The following BCHE variants were observed in gnomAD, a reference collection of about 807,000 sequenced individuals.
BCHE encodes butyrylcholinesterase.
BCHE carries 48 observed loss-of-function variants against 51.3 expected under a neutral mutation model. The ratio of observed to expected loss-of-function variants is 0.94; its 90% confidence interval spans 0.74 to 1.19. The LOEUF is 1.19. Ranked by LOEUF, BCHE falls within the 50% of genes most tolerant of loss-of-function variation. The probability of loss-of-function intolerance (pLI) is 0.00; values close to 1 mark genes in which losing one functional copy is unlikely to be tolerated. For synonymous variants in BCHE, 251 were observed against 238.0 expected (o/e 1.05, Z -0.50); for missense variants, 847 against 708.2 (o/e 1.20, Z -2.23).
chr3:165,804,159 G>C (rs1284087961), intron 2 of BCHE, among the ~76,000 whole-genome samples: 1 of 152,028 alleles, frequency 6.6e-6, no homozygotes, highest in African/African-American at 2.4e-5. Flanking sequence ...TGATGATTCA[G>C]AAATAATTAA....
intron 2 of BCHE, among the ~76,000 whole-genome samples, chr3:165,792,313 A>G (rs1713200941): frequency 6.6e-6 from 1 of 152,314 alleles, no homozygotes; most frequent in Non-Finnish European, 1.5e-5. Flanking sequence ...AAATCTAAGT[A>G]ACGGAAAATT....
intron 2 of BCHE, among the ~76,000 whole-genome samples, chr3:165,820,140 A>G (rs1210146674): frequency 1.3e-5 from 2 of 152,126 alleles, no homozygotes; most frequent in African/African-American, 4.8e-5. Context: ...GCGAGAGAGT[A>G]TTCTGAAATA....
At chr3:165,797,596 A>G (rs896497745) in intron 2 of BCHE, among the ~76,000 whole-genome samples, 6 of 151,902 alleles carry the variant, frequency 3.9e-5, no homozygotes, top group Admixed American at 3.9e-4. Flanking sequence ...TGGCACTAGA[A>G]CACTTATTTT....
At position 165,786,320 on chromosome 3, in the gene BCHE, T is replaced by C; in HGVS notation, c.1518-9A>G. 6.2e-7 allele frequency: 1 copy of C among 1,603,808 alleles called. No individual in the cohort carries two copies. The highest frequency in any genetic ancestry group is 8.5e-7 in the Non-Finnish European group (1 of 1,172,566). ...GAGTCTCATTTGGATTCCTAAATAA[T>C]AAAATAGAGACATTATAGTAAAATT... On this transcript the variant is annotated splice_polypyrimidine_tract_variant and intron_variant, in intron 2 of 3. Transcript: ENST00000264381.
intron 2 of BCHE, among the ~76,000 whole-genome samples, chr3:165,797,817 T>C (rs1386708962): frequency 6.6e-6 from 1 of 152,188 alleles, no homozygotes; most frequent in Non-Finnish European, 1.5e-5. Context: ...GGAAACTTAG[T>C]TTTGTAGTAG....
chr3:165,775,796 A>C (rs1257745482), intron 3 of BCHE, among the ~76,000 whole-genome samples: 1 of 152,008 alleles, frequency 6.6e-6, no homozygotes, highest in Non-Finnish European at 1.5e-5. Context: ...TGAGACAATA[A>C]AATATGAAAC....
chr3:165,792,211 G>T (rs190608876), intron 2 of BCHE, among the ~76,000 whole-genome samples: 1 of 151,958 alleles, frequency 6.6e-6, no homozygotes, highest in Admixed American at 6.5e-5. Flanking sequence ...ACAAAAGTTA[G>T]AATAGCTTTG....
intron 3 of BCHE, among the ~76,000 whole-genome samples, chr3:165,781,409 AG>A (rs1560002386): frequency 6.6e-6 from 1 of 152,212 alleles, no homozygotes; most frequent in African/African-American, 2.4e-5. Context: ...GTCATAAAAA[AG>A]TATGAGATAA....
chr3:165,816,763 G>A (rs1714326599), intron 2 of BCHE, among the ~76,000 whole-genome samples: 1 of 151,662 alleles, frequency 6.6e-6, no homozygotes, highest in South Asian at 2.1e-4. Context: ...AATTCATTTG[G>A]CTACTCCATT....
At chr3:165,797,479 C>A (rs1021411694) in intron 2 of BCHE, among the ~76,000 whole-genome samples, 6 of 150,568 alleles carry the variant, frequency 4.0e-5, no homozygotes, top group African/African-American at 1.5e-4. Context: ...CCATTTTCAT[C>A]TTCCAGAGAC....
chr3:165,827,257 T>C (rs1417912399), intron 2 of BCHE, among the ~76,000 whole-genome samples: 1 of 152,080 alleles, frequency 6.6e-6, no homozygotes, highest in Non-Finnish European at 1.5e-5. Flanking sequence ...ATTATCTCTG[T>C]TCAACTGTGC....
At chr3:165,792,183 A>G (rs1452338272) in intron 2 of BCHE, among the ~76,000 whole-genome samples, 3 of 152,126 alleles carry the variant, frequency 2.0e-5, no homozygotes, top group East Asian at 3.9e-4. Flanking sequence ...ACATTCCATG[A>G]TTAAAAGTGA....
intron 2 of BCHE, among the ~76,000 whole-genome samples, chr3:165,808,920 A>G (rs1034376136): frequency 2.0e-5 from 3 of 152,186 alleles, no homozygotes; most frequent in African/African-American, 7.2e-5. Flanking sequence ...AATGCTAAAT[A>G]TAATTTTCTC....
chr3:165,773,448 G>A lies in BCHE; in HGVS notation c.1743C>T (p.Tyr581=). ...TAAATTGATTTTTCCAGTCCATCATGTAATTGTTCCAGCGATGGAATCCTG... is the reference window on the plus strand; with the variant it reads ...TAAATTGATTTTTCCAGTCCATCATATAATTGTTCCAGCGATGGAATCCTG... ...WKAGFHRWNN[Y]MMDWKNQFND... Residue 581 remains tyrosine (Y), a synonymous_variant, in exon 4 of 4, where the codon TAC becomes TAT. Coordinates refer to ENST00000264381, the MANE Select transcript of BCHE (RefSeq NM_000055.4). 6.2e-7 allele frequency: 1 copy of A among 1,608,638 alleles called. No individual in the cohort carries two copies. Among genetic ancestry groups the A allele is most frequent in the Non-Finnish European group, 8.5e-7 (1 of 1,175,448 alleles).
intron 2 of BCHE, among the ~76,000 whole-genome samples, chr3:165,821,043 A>AT (rs2108228483): frequency 6.6e-6 from 1 of 151,412 alleles, no homozygotes; most frequent in Admixed American, 6.6e-5. Context: ...CACTTAAAAA[A>AT]GTTAGATAGT....
chr3:165,785,096 T>C (rs1237233293), intron 3 of BCHE, among the ~76,000 whole-genome samples: 1 of 151,864 alleles, frequency 6.6e-6, no homozygotes, highest in Admixed American at 6.6e-5. Flanking sequence ...TTGTGAGTAA[T>C]GTCTGATAAT....
intron 3 of BCHE, among the ~76,000 whole-genome samples, chr3:165,774,088 G>T (rs1206917168): frequency 2.6e-5 from 4 of 151,926 alleles, no homozygotes; most frequent in African/African-American, 7.3e-5. Context: ...CTAATATAAT[G>T]AAAGTGCTGT....
chr3:165,781,842 G>T (rs1712718152), intron 3 of BCHE, among the ~76,000 whole-genome samples: 1 of 152,100 alleles, frequency 6.6e-6, no homozygotes, highest in South Asian at 2.1e-4. Context: ...AAATTTTTAT[G>T]TGGTATGAAA....
At chr3:165,801,820 A>G (rs1713660284) in intron 2 of BCHE, among the ~76,000 whole-genome samples, 2 of 152,136 alleles carry the variant, frequency 1.3e-5, no homozygotes, top group Admixed American at 1.3e-4. Flanking sequence ...TCTATACACT[A>G]TTTTGACAAA....
Sources: gnomAD v4.1 joint callset for allele counts (sites outside exome capture counted in the v4.1 genomes callset) on GRCh38, gnomAD v4.1.1 for gene constraint, MANE v1.5 for transcripts, NCBI Gene and HGNC (gene_info 2026-07-23, HGNC 2026-07-21) for gene names.